FGD4: variants seen among roughly 807,000 people sequenced by gnomAD.
The protein encoded by FGD4 is FYVE, RhoGEF and PH domain containing 4, also known as FYVE, RhoGEF and PH domain-containing protein 4.
FGD4 carries 42 observed loss-of-function variants against 102.0 expected under a neutral mutation model. The ratio of observed to expected loss-of-function variants is 0.41; its 90% confidence interval spans 0.32 to 0.53. FGD4 has a LOEUF of 0.53. Ranked by LOEUF, FGD4 falls within the 20% of genes least tolerant of loss-of-function variation. The pLI, the probability that FGD4 is intolerant of heterozygous loss-of-function variation, is 0.21. For synonymous variants in FGD4, 380 were observed against 375.7 expected, an observed-to-expected ratio of 1.01 and a Z score of -0.13; for missense variants, 902 against 1,078.2, an observed-to-expected ratio of 0.84 and a Z score of 2.29.
At chr12:32,547,515 G>A (rs1056528630) in intron 1 of FGD4, among the ~76,000 whole-genome samples, 2 of 152,200 alleles carry the variant, frequency 1.3e-5, no homozygotes, top group African/African-American at 4.8e-5. Context: ...AAAAATGCCT[G>A]CTATACTTTA....
intron 2 of FGD4, among the ~76,000 whole-genome samples, chr12:32,575,307 T>G (rs377716442): frequency 1.3e-5 from 2 of 152,298 alleles, no homozygotes; most frequent in East Asian, 3.9e-4. Flanking sequence ...GCTTGACTTC[T>G]GGTGAGAGCC....
chr12:32,582,348 A>C lies in FGD4; in HGVS notation c.892A>C (p.Ile298Leu). 1.2e-6 allele frequency: 2 copies of C among 1,614,206 alleles called. No homozygotes were observed. The highest frequency in any genetic ancestry group is 1.7e-6 in the Non-Finnish European group (2 of 1,180,030). ...ASDSSYRTPG[I>L]GPVLPLEERG... ...TGACAGTAGCTACAGGACTCCAGGC[A>C]TAGGCCCAGTGCTCCCCCTAGAAGA... The change falls in exon 4 of 17, where the codon ATA (isoleucine) becomes CTA (leucine). Residue 298 changes from isoleucine to leucine, a missense_variant. Ile to Leu is a conservative substitution (Grantham distance 5). This residue lies in a region of FGD4 where 443 missense variants were observed against 459.2 expected (regional missense o/e 0.96). Transcript: ENST00000534526.
chr12:32,539,113 A>T (rs1942576448), intron 1 of FGD4, among the ~76,000 whole-genome samples: 1 of 152,192 alleles, frequency 6.6e-6, no homozygotes. Context: ...TATATTAATG[A>T]TATACTTGCC....
rs890341308 is a variant in FGD4 at position 32,643,732 on chromosome 12, G to A, written c.*3199G>A. ...ATATAAAGAAAACGATAAAGTTTGT[G>A]GTACTGCAGGGTTGTTAAAGATTCT... On this transcript the variant is annotated 3_prime_UTR_variant, in exon 17 of 17. Coordinates refer to ENST00000534526, the MANE Select transcript of FGD4 (RefSeq NM_001370298.3). 1.3e-5 allele frequency: 2 copies of A among 151,596 alleles called. No homozygotes were observed. The highest frequency in any genetic ancestry group is 4.8e-5 in the African/African-American group (2 of 41,282). 9.4% of individuals were successfully genotyped at this position (151,596 alleles called of 1,614,324 possible). A position where few individuals can be genotyped will look rare whatever the true frequency, so the allele number is the denominator to read the frequency against.
At chr12:32,580,843 C>T (rs771061427) in intron 3 of FGD4, among the ~76,000 whole-genome samples, 4 of 150,042 alleles carry the variant, frequency 2.7e-5, no homozygotes, top group South Asian at 4.2e-4. Flanking sequence ...GCCAAGATTG[C>T]GCCACTGCAC....
At chr12:32,627,008 T>C (rs1019659418) in intron 14 of FGD4, among the ~76,000 whole-genome samples, 1 of 151,632 alleles carries the variant, frequency 6.6e-6, no homozygotes, top group Non-Finnish European at 1.5e-5. Flanking sequence ...CCACCACACC[T>C]GGCTGATTTC....
At chr12:32,421,440 C>T (rs541814162) in intron 1 of FGD4, among the ~76,000 whole-genome samples, 3 of 152,242 alleles carry the variant, frequency 2.0e-5, no homozygotes, top group South Asian at 2.1e-4. Flanking sequence ...CTGATGTTGT[C>T]GTAGGGCCTT....
chr12:32,604,094 G>A (rs538404928), intron 7 of FGD4, among the ~76,000 whole-genome samples: 16 of 152,298 alleles, frequency 1.1e-4, no homozygotes, highest in South Asian at 2.1e-4. Context: ...ACTCCCATGC[G>A]TGTGATGAGT....
At chr12:32,608,137 C>T (rs1311933541) in intron 8 of FGD4, 42 bp downstream of exon 8, 2 of 1,612,010 alleles carry the variant, frequency 1.2e-6, no homozygotes, top group Middle Eastern at 1.7e-4. Context: ...TTGGAATAAT[C>T]AAGTGGCCAA....
intron 10 of FGD4, among the ~76,000 whole-genome samples, chr12:32,617,009 C>T (rs1414396932): frequency 6.6e-6 from 1 of 152,048 alleles, no homozygotes; most frequent in Non-Finnish European, 1.5e-5. Context: ...AGCAAGAAAT[C>T]CACCTCATGG....
At chr12:32,464,086 A>T (rs1171377633) in intron 1 of FGD4, among the ~76,000 whole-genome samples, 1 of 152,152 alleles carries the variant, frequency 6.6e-6, no homozygotes, top group Non-Finnish European at 1.5e-5. Flanking sequence ...ATGTTTGCTA[A>T]GCACTTATTT....
chr12:32,461,367 T>TG (rs1373021408), intron 1 of FGD4, among the ~76,000 whole-genome samples: 1 of 152,240 alleles, frequency 6.6e-6, no homozygotes, highest in African/African-American at 2.4e-5. Context: ...AAGTGTTGAT[T>TG]GAAATGATTT....
intron 2 of FGD4, among the ~76,000 whole-genome samples, chr12:32,571,682 G>A (rs1306303331): frequency 6.6e-6 from 1 of 152,150 alleles, no homozygotes; most frequent in Non-Finnish European, 1.5e-5. Flanking sequence ...GGAAGAGTCA[G>A]ATAAGCCTTC....
intron 1 of FGD4, among the ~76,000 whole-genome samples, chr12:32,438,156 T>G (rs1223069983): frequency 6.6e-6 from 1 of 152,184 alleles, no homozygotes; most frequent in Non-Finnish European, 1.5e-5. Flanking sequence ...CCTCCCAAAG[T>G]GCTGGGATTA....
intron 1 of FGD4, among the ~76,000 whole-genome samples, chr12:32,453,200 TTA>T (rs1209887127): frequency 0.014 from 872 of 64,566 alleles, 16 homozygotes; most frequent in East Asian, 0.026. Flanking sequence ...TATATATATA[TTA>T]TATATATATA....
intron 14 of FGD4, among the ~76,000 whole-genome samples, chr12:32,630,029 T>C (rs758108334): frequency 5.3e-5 from 8 of 152,164 alleles, no homozygotes; most frequent in Admixed American, 2.6e-4. Flanking sequence ...TCAGGTCAGC[T>C]CTCCCGTGTC....
At chr12:32,634,066 C>A (rs1190062270) in intron 15 of FGD4, among the ~76,000 whole-genome samples, 1 of 152,206 alleles carries the variant, frequency 6.6e-6, no homozygotes, top group East Asian at 1.9e-4. Context: ...GAGTGTTTAA[C>A]AATTTGTATA....
rs1592005626 is a variant in FGD4, at chr12:32,492,308, TA to T, written c.167-71827del. ...TTAATTACACATCAAAGTCCCCTTT[TA>T]ACCCCAACTACCTGGCATGATTGAG... On this transcript the variant is annotated intron_variant, in intron 1 of 16. Transcript: ENST00000534526. 2.0e-5 allele frequency among the ~76,000 whole-genome samples: 3 copies of T among 148,552 alleles called. No homozygotes were observed. The East Asian group carries it at 6.0e-4, about 30-fold the overall frequency.
chr12:32,600,843 C>T (rs561791870), intron 5 of FGD4, among the ~76,000 whole-genome samples: 4 of 152,102 alleles, frequency 2.6e-5, no homozygotes, highest in Admixed American at 2.6e-4. Flanking sequence ...AGACTTATGT[C>T]AGCAAACTAC....
Sources: allele counts gnomAD v4.1 joint callset (sites outside exome capture counted in the v4.1 genomes callset), GRCh38; gene constraint gnomAD v4.1.1; regional missense constraint gnomAD v4.1.1; transcripts MANE v1.5; gene names NCBI Gene and HGNC (gene_info 2026-07-23, HGNC 2026-07-21).